The following CDH13 variants were observed in gnomAD, a reference collection of about 807,000 sequenced individuals.
CDH13 encodes cadherin 13.
In CDH13, 24 loss-of-function variants were observed where a neutral mutation model predicts 63.8. That is an observed-to-expected ratio of 0.38 (90% CI 0.27 to 0.53). The LOEUF (loss-of-function observed/expected upper bound fraction) is 0.53, where lower values mean the gene tolerates loss of function less well. Among genes scored for constraint, CDH13 ranks in the 20% least tolerant of loss-of-function variants. CDH13 has a pLI of 0.85. For missense variants in CDH13, 1,049 were observed against 903.1 expected, an observed-to-expected ratio of 1.16 and a Z score of -2.07; for synonymous variants, 503 against 355.3, an observed-to-expected ratio of 1.42 and a Z score of -4.67.
intron 6 of CDH13, among the ~76,000 whole-genome samples, chr16:83,379,333 C>G (rs185357027): frequency 2.6e-5 from 4 of 152,108 alleles, no homozygotes; most frequent in African/African-American, 4.8e-5. Flanking sequence ...CTTCTACGTC[C>G]GGTGTCTTCC....
At chr16:83,306,598 C>G (rs183744038) in intron 5 of CDH13, among the ~76,000 whole-genome samples, 92 of 152,274 alleles carry the variant, frequency 6.0e-4, no homozygotes, top group African/African-American at 2.0e-3. Context: ...AGCCTGCAAA[C>G]CTGAGCTAAA....
chr16:83,180,734 G>GA, intron 4 of CDH13: 1 of 642,398 alleles, frequency 1.6e-6, no homozygotes, highest in East Asian at 2.8e-5. Flanking sequence ...TTTAATTCTA[G>GA]AAAAACGGTC....
At chr16:83,037,711 A>C (rs1278072102) in intron 3 of CDH13, among the ~76,000 whole-genome samples, 1 of 152,158 alleles carries the variant, frequency 6.6e-6, no homozygotes. Context: ...TACAAATTTG[A>C]AGGAAGAACA....
At chr16:83,550,271 G>A (rs1265031054) in intron 7 of CDH13, among the ~76,000 whole-genome samples, 2 of 152,190 alleles carry the variant, frequency 1.3e-5, no homozygotes, top group Non-Finnish European at 2.9e-5. Flanking sequence ...TTTGAAGCCA[G>A]GGTGAACTCA....
At chr16:82,833,744 G>C (rs1254670285) in intron 1 of CDH13, among the ~76,000 whole-genome samples, 1 of 152,210 alleles carries the variant, frequency 6.6e-6, no homozygotes, top group Non-Finnish European at 1.5e-5. Flanking sequence ...ACTTAAGCCA[G>C]AACTGGGGTT....
chr16:83,345,348 A>G (rs1038172434), intron 6 of CDH13, among the ~76,000 whole-genome samples: 4 of 152,190 alleles, frequency 2.6e-5, no homozygotes, highest in African/African-American at 7.2e-5. Context: ...CAGGGCTTTG[A>G]TGAGAATTGG....
intron 1 of CDH13, among the ~76,000 whole-genome samples, chr16:82,856,106 G>A (rs527483687): frequency 3.7e-4 from 56 of 152,094 alleles, no homozygotes; most frequent in Non-Finnish European, 6.8e-4. Context: ...GCCGGGCACG[G>A]TGGCTCACAC....
chr16:82,681,234 C>G (rs1010363244), intron 1 of CDH13, among the ~76,000 whole-genome samples: 4 of 152,316 alleles, frequency 2.6e-5, no homozygotes, highest in East Asian at 1.9e-4. Context: ...CCTTGAAAAC[C>G]TGATGCCGGT....
At chr16:83,036,519 T>G (rs1428673280) in intron 3 of CDH13, among the ~76,000 whole-genome samples, 3 of 152,060 alleles carry the variant, frequency 2.0e-5, no homozygotes, top group African/African-American at 7.2e-5. Flanking sequence ...TGCACAATGT[T>G]CACTCCCACA....
chr16:83,572,871 C>T (rs11149579), intron 7 of CDH13, among the ~76,000 whole-genome samples: 28,092 of 152,130 alleles, frequency 0.18, 2,608 homozygotes, highest in Admixed American at 0.24. Flanking sequence ...GAAAGTTACG[C>T]CTTTTGTTTT....
At position 83,554,462 on chromosome 16, in the gene CDH13, A is replaced by C. The variant is rs144077585; in HGVS notation, c.961-47992A>C. On this transcript the variant is annotated intron_variant, in intron 7 of 13. Coordinates refer to ENST00000567109, the MANE Select transcript of CDH13 (RefSeq NM_001257.5). ...AAGAAAAATAGCAGCATGGCTGTGAAGGAAGGGAACACGAACTTCTGCAAA... is the reference window on the plus strand; with the variant it reads ...AAGAAAAATAGCAGCATGGCTGTGACGGAAGGGAACACGAACTTCTGCAAA... 1.8e-3 allele frequency among the ~76,000 whole-genome samples: 272 copies of C among 152,332 alleles called. 1 individual carries two copies. The highest frequency in any genetic ancestry group is 6.4e-3 in the African/African-American group (265 of 41,580).
chr16:83,293,805 A>G lies in CDH13; in HGVS notation c.637-51057A>G, dbSNP rs79264107. ...CATCTTAACAAAGTGTTTCTCAGCT[A>G]CAGTTTCTTCCCAACAGAGTGGGAG... On this transcript the variant is annotated intron_variant, in intron 5 of 13. Coordinates refer to ENST00000567109, the MANE Select transcript of CDH13 (RefSeq NM_001257.5). Among the ~76,000 whole-genome samples the G allele has an allele frequency of 8.1e-3, 1,228 of 152,322 alleles. 16 individuals carry two copies. Among genetic ancestry groups the G allele is most frequent in the African/African-American group, 0.028 (1,167 of 41,568 alleles).
At chr16:82,975,831 A>AC (rs1909425304) in intron 2 of CDH13, among the ~76,000 whole-genome samples, 1 of 152,074 alleles carries the variant, frequency 6.6e-6, no homozygotes, top group African/African-American at 2.4e-5. Context: ...CCTTGTCTAT[A>AC]CCCCCATCCC....
chr16:82,769,189 C>A (rs1276597408), intron 1 of CDH13, among the ~76,000 whole-genome samples: 1 of 152,158 alleles, frequency 6.6e-6, no homozygotes. Flanking sequence ...TAACCCAACA[C>A]CATGTAATAA....
intron 1 of CDH13, among the ~76,000 whole-genome samples, chr16:82,831,028 C>G (rs1248687979): frequency 6.6e-6 from 1 of 152,132 alleles, no homozygotes; most frequent in East Asian, 1.9e-4. Context: ...TCTGCTTGCT[C>G]TCCTTTATTC....
intron 1 of CDH13, among the ~76,000 whole-genome samples, chr16:82,713,056 G>GGTGTGT (rs10617791): frequency 6.7e-6 from 1 of 150,172 alleles, no homozygotes; most frequent in African/African-American, 2.4e-5. Flanking sequence ...GTGTGTGTGT[G>GGTGTGT]GTGTGTGTGT....
intron 11 of CDH13, among the ~76,000 whole-genome samples, chr16:83,750,332 C>T (rs1275801787): frequency 6.6e-6 from 1 of 152,136 alleles, no homozygotes; most frequent in East Asian, 1.9e-4. Flanking sequence ...TTCAGTTTTG[C>T]TTATGTTTGC....
At chr16:83,371,161 C>A (rs1019507191) in intron 6 of CDH13, among the ~76,000 whole-genome samples, 1 of 152,238 alleles carries the variant, frequency 6.6e-6, no homozygotes, top group South Asian at 2.1e-4. Flanking sequence ...ACCATTCAAC[C>A]TAGCAGTCTC....
At position 83,486,558 on chromosome 16, in the gene CDH13, A is replaced by T; in HGVS notation, c.863A>T (p.Gln288Leu). ...GCCCTCCTGCGGTATAATATCCGTC[A>T]GCAGACGCCTGACAAGCCATCTCCC... is the stretch of plus-strand genomic sequence containing the variant. Reference protein sequence around the residue: ...DNALLRYNIRQQTPDKPSPNM... With the variant: ...DNALLRYNIRLQTPDKPSPNM... Residue 288 changes from glutamine to leucine, a missense_variant, in exon 7 of 14, where the codon CAG (glutamine) becomes CTG (leucine). Physicochemically the swap from Gln to Leu is moderately radical, Grantham distance 113 (BLOSUM62 -2). Coordinates refer to ENST00000567109, the MANE Select transcript of CDH13 (RefSeq NM_001257.5). 6.2e-7 allele frequency: 1 copy of T among 1,614,008 alleles called. No individual in the cohort carries two copies. Among genetic ancestry groups the T allele is most frequent in the South Asian group, 1.1e-5 (1 of 91,086 alleles).
Sources: gnomAD v4.1 joint callset for allele counts (sites outside exome capture counted in the v4.1 genomes callset) on GRCh38, gnomAD v4.1.1 for gene constraint, MANE v1.5 for transcripts, NCBI Gene and HGNC (gene_info 2026-07-23, HGNC 2026-07-21) for gene names.